SUMF1: variants seen among roughly 807,000 people sequenced by gnomAD.
SUMF1 encodes sulfatase modifying factor 1.
A neutral mutation model predicts 47.6 loss-of-function variants in SUMF1; 48 were observed. That is an observed-to-expected ratio of 1.01 (90% CI 0.80 to 1.28). The LOEUF (loss-of-function observed/expected upper bound fraction) is 1.28. SUMF1 is among the 50% of genes most tolerant of loss of function. SUMF1 has a pLI of 0.00. For missense variants in SUMF1, 571 were observed against 485.4 expected (o/e 1.18, Z -1.66); for synonymous variants, 230 against 192.1 (o/e 1.20, Z -1.63).
intron 7 of SUMF1, among the ~76,000 whole-genome samples, chr3:4,407,266 A>C (rs1701406488): frequency 6.6e-6 from 1 of 152,234 alleles, no homozygotes; most frequent in East Asian, 1.9e-4. Context: ...TGCTCCCTGG[A>C]AATCACTGAA....
At chr3:4,087,119 C>T (rs116154094) in intron 8 of SUMF1, among the ~76,000 whole-genome samples, 1,642 of 152,238 alleles carry the variant, frequency 0.011, 35 homozygotes, top group African/African-American at 0.037. Flanking sequence ...GATTCTATGG[C>T]GCTGAGCAAC....
At chr3:4,363,411 T>G (rs553174205) in intron 8 of SUMF1, among the ~76,000 whole-genome samples, 22 of 152,246 alleles carry the variant, frequency 1.4e-4, no homozygotes, top group African/African-American at 4.3e-4. Flanking sequence ...AGCAGTGGTT[T>G]GTAGTTCTCC....
At position 4,152,556 on chromosome 3, in the gene SUMF1, G is replaced by C. The variant is rs112841737; in HGVS notation, c.1015-83811C>G. Among the ~76,000 whole-genome samples, 124 of 151,364 alleles carry C rather than the reference G, an allele frequency of 8.2e-4. 2 individuals are homozygous for C. Among genetic ancestry groups the C allele is most frequent in the African/African-American group, 2.9e-3 (120 of 40,800 alleles). ...GATCCTCCCTCCTCAGCCTCCCACA[G>C]TGCTGGGATTACAGGCATGAGCCAC... On this transcript the variant is annotated intron_variant and NMD_transcript_variant, in intron 8 of 12. Transcript: ENST00000448413.
intron 8 of SUMF1, among the ~76,000 whole-genome samples, chr3:4,217,156 C>T (rs532969706): frequency 6.6e-6 from 1 of 152,196 alleles, no homozygotes; most frequent in South Asian, 2.1e-4. Context: ...ACATGTGGCA[C>T]ATACACACCA....
chr3:4,118,200 A>G (rs1402126771), intron 8 of SUMF1, among the ~76,000 whole-genome samples: 1 of 152,094 alleles, frequency 6.6e-6, no homozygotes, highest in East Asian at 1.9e-4. Flanking sequence ...CATCGCCTCT[A>G]GCTTTGCCTC....
In SUMF1 at chr3:4,104,666, T is replaced by TTCTCTCTCTCTC. The variant is rs111963235; in HGVS notation, c.1015-35933_1015-35922dup. ...CTAGAGGATCCTAGTAAATCTCGAT[T>TTCTCTCTCTCTC]TCTCTCTCTCTCTCTCTCTCTCTCT... On this transcript the variant is annotated intron_variant and NMD_transcript_variant, in intron 8 of 12. Transcript: ENST00000448413. Among the ~76,000 whole-genome samples, 1,063 of 146,836 alleles carry TTCTCTCTCTCTC rather than the reference T, an allele frequency of 7.2e-3. 15 individuals are homozygous for TTCTCTCTCTCTC. Among genetic ancestry groups the TTCTCTCTCTCTC allele is most frequent in the African/African-American group, 0.021 (842 of 39,930 alleles).
At chr3:4,419,113 A>C (rs771784658) in intron 4 of SUMF1, among the ~76,000 whole-genome samples, 1 of 152,212 alleles carries the variant, frequency 6.6e-6, no homozygotes, top group Admixed American at 6.5e-5. Flanking sequence ...TGCATGGATA[A>C]CATACATTCC....
chr3:4,131,064 C>G (rs1238426548), intron 8 of SUMF1, among the ~76,000 whole-genome samples: 1 of 152,102 alleles, frequency 6.6e-6, no homozygotes, highest in African/African-American at 2.4e-5. Context: ...TTTTGAGAGA[C>G]AGCTCTTGGC....
In SUMF1 at chr3:4,123,727, A is replaced by G. The variant is rs529947254; in HGVS notation, c.1015-54982T>C. Among the ~76,000 whole-genome samples the G allele has an allele frequency of 3.9e-5, 6 of 152,316 alleles. No homozygotes were observed. The South Asian group carries it at 1.2e-3, about 32-fold the overall frequency. On this transcript the variant is annotated intron_variant and NMD_transcript_variant, in intron 8 of 12. Coordinates refer to the SUMF1 transcript ENST00000448413. ...TTCTTCTAACATTCCATACAATCAT[A>G]GGAAAGTCATTTCAACTATTTGCAC...
intron 7 of SUMF1, among the ~76,000 whole-genome samples, chr3:4,399,821 G>C (rs985470395): frequency 5.9e-5 from 9 of 152,156 alleles, no homozygotes; most frequent in Non-Finnish European, 8.8e-5. Context: ...GCAGTAGCGC[G>C]ATCTCGGCTC....
chr3:4,201,488 T>C (rs995082985), intron 8 of SUMF1, among the ~76,000 whole-genome samples: 7 of 152,142 alleles, frequency 4.6e-5, no homozygotes, highest in Non-Finnish European at 1.0e-4. Context: ...TTCTTTTCTA[T>C]GGCTGAATAG....
intron 8 of SUMF1, among the ~76,000 whole-genome samples, chr3:4,293,093 GA>G (rs1478870292): frequency 6.6e-6 from 1 of 151,954 alleles, no homozygotes; most frequent in Non-Finnish European, 1.5e-5. Context: ...ACAACTAAAT[GA>G]AAGACTTTCA....
At chr3:4,331,207 T>C (rs1376666482) in intron 8 of SUMF1, among the ~76,000 whole-genome samples, 1 of 135,934 alleles carries the variant, frequency 7.4e-6, no homozygotes, top group Non-Finnish European at 1.6e-5. Context: ...TCTGTCCTTT[T>C]TTTATTCCTT....
intron 8 of SUMF1, among the ~76,000 whole-genome samples, chr3:4,126,839 T>G (rs945234159): frequency 1.3e-5 from 2 of 152,208 alleles, no homozygotes; most frequent in Non-Finnish European, 2.9e-5. Context: ...AGTAACTCAA[T>G]GAAAGCGGCA....
chr3:4,284,546 C>G (rs1697594683), intron 8 of SUMF1, among the ~76,000 whole-genome samples: 1 of 151,238 alleles, frequency 6.6e-6, no homozygotes, highest in Admixed American at 6.6e-5. Flanking sequence ...ACAGGTGACC[C>G]TGGCATCAAG....
chr3:4,231,531 A>AT (rs1696299591), intron 8 of SUMF1, among the ~76,000 whole-genome samples: 1 of 152,200 alleles, frequency 6.6e-6, no homozygotes, highest in African/African-American at 2.4e-5. Flanking sequence ...TGAAACTTGA[A>AT]TTGATTATTT....
intron 8 of SUMF1, among the ~76,000 whole-genome samples, chr3:4,365,812 C>G (rs1463691531): frequency 6.6e-6 from 1 of 151,698 alleles, no homozygotes; most frequent in African/African-American, 2.4e-5. Context: ...TTCCTAGTCT[C>G]GATGGTCTTT....
downstream of SUMF1, among the ~76,000 whole-genome samples, chr3:4,357,823 G>C (rs1244888394): frequency 1.3e-5 from 2 of 151,958 alleles, no homozygotes; most frequent in Admixed American, 1.3e-4. Flanking sequence ...GGCCAGGTTA[G>C]TCATGAACTC....
chr3:4,211,727 C>T (rs538838057), intron 8 of SUMF1, among the ~76,000 whole-genome samples: 1 of 152,240 alleles, frequency 6.6e-6, no homozygotes, highest in Admixed American at 6.5e-5. Flanking sequence ...TTCATCCTCA[C>T]CAGATTGGCT....
Sources: gnomAD v4.1 joint callset for allele counts (sites outside exome capture counted in the v4.1 genomes callset) on GRCh38, gnomAD v4.1.1 for gene constraint, MANE v1.5 for transcripts, NCBI Gene and HGNC (gene_info 2026-07-23, HGNC 2026-07-21) for gene names.